NHSL1: variants seen among roughly 807,000 people sequenced by gnomAD.
The protein encoded by NHSL1 is NHS-like protein 1.
In NHSL1, 48 loss-of-function variants were observed where a neutral mutation model predicts 95.0. The observed-to-expected ratio is 0.51, with a 90% CI of 0.40 to 0.64. The LOEUF is 0.64. Ranked by LOEUF, NHSL1 falls within the 30% of genes least tolerant of loss-of-function variation. The pLI, the probability that NHSL1 is intolerant of heterozygous loss-of-function variation, is 0.00. For missense variants in NHSL1, 1,971 were observed against 2,077.7 expected (o/e 0.95, Z 1.00); for synonymous variants, 783 against 833.9 (o/e 0.94, Z 1.05).
chr6:138,500,223 T>G (rs1780600453), upstream of NHSL1, among the ~76,000 whole-genome samples: 1 of 152,212 alleles, frequency 6.6e-6, no homozygotes, highest in Non-Finnish European at 1.5e-5. Flanking sequence ...TAATCGCCCT[T>G]CCCTCAATGT....
At chr6:138,484,589 G>A (rs552916994) in intron 2 of NHSL1, among the ~76,000 whole-genome samples, 3 of 152,202 alleles carry the variant, frequency 2.0e-5, no homozygotes, top group East Asian at 1.9e-4. Flanking sequence ...AGAAAGACTG[G>A]TTTTCCCCCA....
intron 1 of NHSL1, among the ~76,000 whole-genome samples, chr6:138,517,958 C>A (rs1781522069): frequency 6.6e-6 from 1 of 152,168 alleles, no homozygotes; most frequent in Non-Finnish European, 1.5e-5. Flanking sequence ...TGTACTGTAG[C>A]TGCAAGGGAG....
upstream of NHSL1, among the ~76,000 whole-genome samples, chr6:138,547,265 A>G (rs539047597): frequency 2.0e-5 from 3 of 151,914 alleles, no homozygotes; most frequent in Non-Finnish European, 4.4e-5. Flanking sequence ...TAAGGAAGTC[A>G]CTGTACTAGT....
chr6:138,639,892 T>C (rs1349820595), intron 1 of NHSL1, among the ~76,000 whole-genome samples: 1 of 151,186 alleles, frequency 6.6e-6, no homozygotes, highest in Non-Finnish European at 1.5e-5. Flanking sequence ...TTAGCTTTTT[T>C]TTTTTTTTTA....
At chr6:138,513,136 C>A (rs1408031379) in intron 1 of NHSL1, among the ~76,000 whole-genome samples, 2 of 152,186 alleles carry the variant, frequency 1.3e-5, no homozygotes, top group Admixed American at 1.3e-4. Flanking sequence ...ACAGTGCCAA[C>A]CTCGGTGCCA....
intron 1 of NHSL1, among the ~76,000 whole-genome samples, chr6:138,553,048 C>T (rs754875289): frequency 1.3e-4 from 20 of 152,078 alleles, no homozygotes; most frequent in Non-Finnish European, 2.8e-4. Context: ...ACTCCAATTG[C>T]ACCATCCTTT....
At chr6:138,455,311 T>G (rs1299346205) in intron 3 of NHSL1, among the ~76,000 whole-genome samples, 1 of 151,960 alleles carries the variant, frequency 6.6e-6, no homozygotes, top group Non-Finnish European at 1.5e-5. Context: ...AAAACTTTTT[T>G]GGGGGAAAAA....
intron 1 of NHSL1, among the ~76,000 whole-genome samples, chr6:138,596,001 A>G (rs1784298484): frequency 6.6e-6 from 1 of 152,208 alleles, no homozygotes; most frequent in Admixed American, 6.5e-5. Flanking sequence ...AGAGAAAAAA[A>G]GGCCATAAAC....
chr6:138,561,316 G>A (rs1783400824), intron 1 of NHSL1, among the ~76,000 whole-genome samples: 1 of 152,150 alleles, frequency 6.6e-6, no homozygotes, highest in South Asian at 2.1e-4. Context: ...GGCGGGTGCG[G>A]GGCATGGAAC....
At chr6:138,596,998 A>C (rs748323072) in intron 1 of NHSL1, among the ~76,000 whole-genome samples, 1 of 152,028 alleles carries the variant, frequency 6.6e-6, no homozygotes. Flanking sequence ...GTCTCTACCA[A>C]AAAATATAAG....
At chr6:138,591,966 G>A (rs74792075) in intron 1 of NHSL1, among the ~76,000 whole-genome samples, 1,779 of 152,218 alleles carry the variant, frequency 0.012, 27 homozygotes, top group African/African-American at 0.041. Flanking sequence ...CGAGGGTTTT[G>A]GAACCTATCC....
chr6:138,679,324 G>A (rs1304194613), intron 1 of NHSL1, among the ~76,000 whole-genome samples: 1 of 152,156 alleles, frequency 6.6e-6, no homozygotes, highest in Admixed American at 6.5e-5. Flanking sequence ...AAAGCAACAT[G>A]ATAATTGATT....
chr6:138,494,493 T>C (rs1162720716), intron 2 of NHSL1, among the ~76,000 whole-genome samples: 1 of 152,170 alleles, frequency 6.6e-6, no homozygotes, highest in African/African-American at 2.4e-5. Context: ...GAAAATTAGA[T>C]GAGATAATAC....
At chr6:138,635,072 C>T (rs78321513) in intron 1 of NHSL1, among the ~76,000 whole-genome samples, 6,832 of 149,746 alleles carry the variant, frequency 0.046, 223 homozygotes, top group South Asian at 0.076. Flanking sequence ...CCTCAAGTAC[C>T]TACATTAAAA....
intron 2 of NHSL1, among the ~76,000 whole-genome samples, chr6:138,476,357 G>A (rs1779066591): frequency 6.6e-6 from 1 of 152,208 alleles, no homozygotes; most frequent in Non-Finnish European, 1.5e-5. Context: ...AACCTGGACA[G>A]AGTTGGAGGC....
intron 1 of NHSL1, among the ~76,000 whole-genome samples, chr6:138,554,179 A>C (rs917672839): frequency 2.6e-5 from 4 of 152,194 alleles, no homozygotes; most frequent in Non-Finnish European, 5.9e-5. Flanking sequence ...ATTATATTTC[A>C]GAGGGTTTAG....
At chr6:138,514,242 C>A (rs1232223861) in intron 1 of NHSL1, among the ~76,000 whole-genome samples, 1 of 151,946 alleles carries the variant, frequency 6.6e-6, no homozygotes, top group South Asian at 2.1e-4. Flanking sequence ...TGCTTGAACC[C>A]GGGAGGAGGG....
intron 1 of NHSL1, among the ~76,000 whole-genome samples, chr6:138,557,002 G>A (rs886953200): frequency 6.6e-6 from 1 of 152,116 alleles, no homozygotes; most frequent in Non-Finnish European, 1.5e-5. Flanking sequence ...GTGAAATCAA[G>A]GTTTAAAAGC....
chr6:138,464,973 A>T (rs1204030381), intron 3 of NHSL1, among the ~76,000 whole-genome samples: 1 of 151,258 alleles, frequency 6.6e-6, no homozygotes, highest in African/African-American at 2.4e-5. Context: ...TCAGCCTCCC[A>T]AAGTGCTGGG....
Sources: gnomAD v4.1 joint callset for allele counts (sites outside exome capture counted in the v4.1 genomes callset) on GRCh38, gnomAD v4.1.1 for gene constraint, MANE v1.5 for transcripts, NCBI Gene and HGNC (gene_info 2026-07-23, HGNC 2026-07-21) for gene names.